The following RBMS3 variants were observed in gnomAD, a reference collection of about 807,000 sequenced individuals.
RBMS3 encodes RNA-binding motif, single-stranded-interacting protein 3.
A neutral mutation model predicts 66.8 loss-of-function variants in RBMS3; 27 were observed. The observed-to-expected ratio is 0.40, with a 90% CI of 0.30 to 0.56. The LOEUF is 0.56. Among genes scored for constraint, RBMS3 ranks in the 20% least tolerant of loss-of-function variants. RBMS3 has a pLI of 0.40. For synonymous variants in RBMS3, 188 were observed against 183.0 expected (o/e 1.03, Z -0.22); for missense variants, 513 against 549.5 (o/e 0.93, Z 0.66).
Position 29,394,171 on chromosome 3 carries a change from G to T in RBMS3, c.76-40572G>T, listed in dbSNP as rs991175508. Among the ~76,000 whole-genome samples the T allele has an allele frequency of 2.6e-5, 4 of 152,090 alleles. 1 individual carries two copies. Among genetic ancestry groups the T allele is most frequent in the South Asian group, 4.1e-4 (2 of 4,826 alleles). On this transcript the variant is annotated intron_variant, in intron 1 of 14. Transcript: ENST00000383767. ...CTCTCAGAGCAGCCATTTAGAGACT[G>T]CCCCCTGGGAATGCATTCCTTTCCC...
chr3:29,294,550 C>G (rs1173674578), intron 1 of RBMS3, among the ~76,000 whole-genome samples: 1 of 151,670 alleles, frequency 6.6e-6, no homozygotes, highest in Non-Finnish European at 1.5e-5. Context: ...AACTAAGTAG[C>G]TAGGATTTGG....
chr3:29,384,417 CAATAATAAT>C (rs532698967), intron 1 of RBMS3, among the ~76,000 whole-genome samples: 4 of 137,412 alleles, frequency 2.9e-5, no homozygotes, highest in African/African-American at 1.1e-4. Context: ...ACATATACAC[CAATAATAAT>C]AATAATAATA....
At chr3:29,561,457 T>C (rs1576231233) in intron 3 of RBMS3, among the ~76,000 whole-genome samples, 1 of 152,094 alleles carries the variant, frequency 6.6e-6, no homozygotes, top group Middle Eastern at 3.4e-3. Context: ...GTTGTTGTTG[T>C]TGTTGTTGTT....
intron 4 of RBMS3, chr3:29,730,800 A>G (rs944875314): frequency 4.4e-6 from 4 of 905,256 alleles, no homozygotes; most frequent in Non-Finnish European, 5.3e-6. Context: ...AGTACAAAAC[A>G]ATATATATTT....
intron 4 of RBMS3, among the ~76,000 whole-genome samples, chr3:29,588,673 C>T (rs34174437): frequency 1.5e-3 from 222 of 152,052 alleles, no homozygotes; most frequent in Non-Finnish European, 2.6e-3. Context: ...TATTCTTCAT[C>T]AAGATTATGC....
intron 1 of RBMS3, among the ~76,000 whole-genome samples, chr3:29,418,386 T>C (rs1290624335): frequency 2.6e-5 from 4 of 152,182 alleles, no homozygotes; most frequent in Non-Finnish European, 5.9e-5. Context: ...TGCTAACATA[T>C]GACACTAATT....
intron 1 of RBMS3, among the ~76,000 whole-genome samples, chr3:29,433,668 A>G (rs1487778412): frequency 6.6e-6 from 1 of 152,200 alleles, no homozygotes; most frequent in Non-Finnish European, 1.5e-5. Context: ...GAGGCACAGC[A>G]GGGACTCAAC....
At chr3:29,519,310 T>C (rs968730838) in intron 3 of RBMS3, among the ~76,000 whole-genome samples, 1 of 152,050 alleles carries the variant, frequency 6.6e-6, no homozygotes, top group Non-Finnish European at 1.5e-5. Context: ...TCAGTGCAGA[T>C]TGAGGGAATT....
chr3:29,799,452 A>T (rs1410432205), intron 6 of RBMS3, among the ~76,000 whole-genome samples: 1 of 152,208 alleles, frequency 6.6e-6, no homozygotes, highest in Non-Finnish European at 1.5e-5. Flanking sequence ...CTATGGTAAT[A>T]CTATTCTCCT....
At chr3:29,518,374 C>T (rs1268799569) in intron 3 of RBMS3, among the ~76,000 whole-genome samples, 2 of 152,156 alleles carry the variant, frequency 1.3e-5, no homozygotes, top group Non-Finnish European at 2.9e-5. Context: ...AAAACTAATG[C>T]TTCTATTTCT....
At chr3:29,606,183 C>G (rs1049987813) in intron 4 of RBMS3, among the ~76,000 whole-genome samples, 2 of 151,806 alleles carry the variant, frequency 1.3e-5, no homozygotes, top group African/African-American at 4.8e-5. Context: ...GCTGTCTTTT[C>G]TCACTCCTAG....
intron 3 of RBMS3, among the ~76,000 whole-genome samples, chr3:29,529,398 G>C (rs1488509040): frequency 6.6e-6 from 1 of 151,198 alleles, no homozygotes; most frequent in Non-Finnish European, 1.5e-5. Flanking sequence ...ACAGAAAGAA[G>C]GAAAAAAAAC....
chr3:29,316,386 A>G (rs2034678138), intron 1 of RBMS3, among the ~76,000 whole-genome samples: 1 of 151,768 alleles, frequency 6.6e-6, no homozygotes, highest in South Asian at 2.1e-4. Flanking sequence ...TTCAGCTTAA[A>G]TGATACCTCC....
chr3:29,671,034 G>A (rs2050978285), intron 4 of RBMS3, among the ~76,000 whole-genome samples: 1 of 152,120 alleles, frequency 6.6e-6, no homozygotes, highest in Admixed American at 6.5e-5. Context: ...AAGGCCGAGT[G>A]CCCCTCTGAG....
chr3:29,899,025 TA>T (rs951860424), intron 9 of RBMS3, among the ~76,000 whole-genome samples: 1 of 151,440 alleles, frequency 6.6e-6, no homozygotes, highest in African/African-American at 2.4e-5. Flanking sequence ...TGTGAGTATA[TA>T]AAAAAAATCT....
At chr3:29,407,917 G>A (rs1478687845) in intron 1 of RBMS3, among the ~76,000 whole-genome samples, 1 of 152,060 alleles carries the variant, frequency 6.6e-6, no homozygotes, top group Non-Finnish European at 1.5e-5. Flanking sequence ...ATATCCTTAA[G>A]AGACATTATG....
intron 8 of RBMS3, among the ~76,000 whole-genome samples, chr3:29,896,803 C>A (rs1314273129): frequency 6.6e-6 from 1 of 151,542 alleles, no homozygotes. Flanking sequence ...TCTATAGGAG[C>A]CTATCACATA....
intron 10 of RBMS3, among the ~76,000 whole-genome samples, chr3:29,922,771 TA>T (rs1418312726): frequency 1.3e-5 from 2 of 152,216 alleles, no homozygotes; most frequent in Non-Finnish European, 2.9e-5. Context: ...TTTTTGTTTC[TA>T]AAAATATATC....
intron 3 of RBMS3, among the ~76,000 whole-genome samples, chr3:29,506,427 T>C (rs62236914): frequency 0.072 from 10,977 of 152,068 alleles, 783 homozygotes; most frequent in East Asian, 0.37. Flanking sequence ...TGGAATAAAT[T>C]GCACTTGATC....
Sources: gnomAD v4.1 joint callset for allele counts (sites outside exome capture counted in the v4.1 genomes callset) on GRCh38, gnomAD v4.1.1 for gene constraint, MANE v1.5 for transcripts, NCBI Gene and HGNC (gene_info 2026-07-23, HGNC 2026-07-21) for gene names.